Variants in PLTP observed in about 807,000 individuals in gnomAD.
The protein encoded by PLTP is BPI fold containing family E.
PLTP carries 43 observed loss-of-function variants against 54.1 expected under a neutral mutation model. The ratio of observed to expected loss-of-function variants is 0.79; its 90% CI spans 0.62 to 1.02. The LOEUF (loss-of-function observed/expected upper bound fraction) is 1.02. Ranked by LOEUF, PLTP falls within the 50% of genes least tolerant of loss-of-function variation. The pLI is 0.00. For synonymous variants in PLTP, 263 were observed against 264.6 expected (o/e 0.99, Z 0.06); for missense variants, 604 against 645.9 (o/e 0.94, Z 0.70).
At chr20:45,899,598 T>G in intron 14 of PLTP, 24 bp downstream of exon 14, 1 of 1,613,896 alleles carries the variant, frequency 6.2e-7, no homozygotes. Context: ...CCTTTCTTCC[T>G]CCATCCTCAC....
At position 45,899,703 on chromosome 20, in the gene PLTP, G is replaced by C; in HGVS notation, c.1219-18C>G. 1 of 1,614,120 alleles carries C rather than the reference G, an allele frequency of 6.2e-7. No individual in the cohort carries two copies. Among genetic ancestry groups the C allele is most frequent in the African/African-American group, 1.3e-5 (1 of 75,050 alleles). On this transcript the variant is annotated intron_variant, in intron 13 of 15. Transcript: ENST00000372431. ...GGGATCAGCTGGGAGGGGCGAGGGC[G>C]GAAACAGGGCAGTGAGTCAGGGTTG...
intron 10 of PLTP, 52 bp downstream of exon 10, chr20:45,904,748 T>C (rs2083222368): frequency 9.5e-6 from 15 of 1,581,120 alleles, no homozygotes; most frequent in Non-Finnish European, 1.1e-5. Flanking sequence ...GCACCCCTCC[T>C]TGGTCTCACT....
In PLTP at chr20:45,905,092, C is replaced by A; in HGVS notation, c.732G>T (p.Arg244Ser). Residue 244 changes from arginine to serine, a missense_variant, in exon 9 of 16, where the codon AGG becomes AGT. Coordinates refer to ENST00000372431, the MANE Select transcript of PLTP (RefSeq NM_006227.4). ...CTGCCCGGTTGGGGAGGCTCCAGTT[C>A]CTCTCAGTCAGGGGGAAGAAGGCCC... ...FRGAFFPLTE[R>S]NWSLPNRAVE... 1 of 1,614,182 alleles carries A rather than the reference C, an allele frequency of 6.2e-7. No individual in the cohort carries two copies. The highest frequency in any genetic ancestry group is 1.1e-5 in the South Asian group (1 of 91,084).
chr20:45,903,886 A>T (rs958835070), intron 10 of PLTP, among the ~76,000 whole-genome samples: 7 of 151,972 alleles, frequency 4.6e-5, no homozygotes, highest in Admixed American at 3.3e-4. Flanking sequence ...TTCAATAGAG[A>T]CAGTGTCTCA....
chr20:45,902,214 A>G, intron 12 of PLTP, 53 bp downstream of exon 12: 1 of 1,568,974 alleles, frequency 6.4e-7, no homozygotes, highest in Non-Finnish European at 8.8e-7. Flanking sequence ...ATCCCTGTGG[A>G]CAGGTGTGAT....
intron 11 of PLTP, 32 bp from the exon 12 acceptor site, chr20:45,902,366 A>C: frequency 6.2e-7 from 1 of 1,614,016 alleles, no homozygotes; most frequent in Non-Finnish European, 8.5e-7. Flanking sequence ...GATGTTACTG[A>C]CCCAGAAGGT....
intron 12 of PLTP, among the ~76,000 whole-genome samples, chr20:45,900,512 A>G (rs2083174607): frequency 6.6e-6 from 1 of 151,858 alleles, no homozygotes; most frequent in Non-Finnish European, 1.5e-5. Flanking sequence ...GACACTAAGC[A>G]TATTTATTTT....
At chr20:45,904,716 G>T in intron 10 of PLTP, 84 bp downstream of exon 10, 2 of 1,265,604 alleles carry the variant, frequency 1.6e-6, no homozygotes, top group Non-Finnish European at 2.3e-6. Context: ...TGTCTGCGTG[G>T]CTGCCACTGG....
At position 45,899,015 on chromosome 20, in the gene PLTP, C is replaced by G. The variant is rs780456513; in HGVS notation, c.1408G>C (p.Glu470Gln). Residue 470 changes from glutamate (E) to glutamine (Q), a missense_variant, in exon 16 of 16, where the codon GAG becomes CAG. Physicochemically the swap from Glu to Gln is conservative, Grantham distance 29 (BLOSUM62 2). Coordinates refer to ENST00000372431, the MANE Select transcript of PLTP (RefSeq NM_006227.4). ...GCAGGCCGGTTCTTCTCAATCACCT[C>G]TCGCAGCCCTTTGGCAAAGTGGAGA... ...ADLHFAKGLR[E>Q]VIEKNRPADV... The G allele has an allele frequency of 3.1e-6, 5 of 1,614,166 alleles. No homozygotes were observed. The highest frequency in any genetic ancestry group is 4.2e-6 in the Non-Finnish European group (5 of 1,180,026).
chr20:45,910,092 G>T, intron 3 of PLTP, 22 bp from the exon 4 acceptor site: 8 of 1,613,186 alleles, frequency 5.0e-6, no homozygotes, highest in Non-Finnish European at 6.8e-6. Context: ...CTCAGGGTCA[G>T]ATCCAGGGCC....
chr20:45,909,745 C>T, intron 4 of PLTP, 74 bp from the exon 5 acceptor site: 2 of 1,548,290 alleles, frequency 1.3e-6, no homozygotes, highest in Non-Finnish European at 1.8e-6. Context: ...ATCACCATAC[C>T]TCTTAATAAG....
intron 12 of PLTP, 151 bp downstream of exon 12, chr20:45,902,116 G>A (rs1455109934): frequency 1.2e-6 from 1 of 828,444 alleles, no homozygotes. Context: ...AGAGGAGTCA[G>A]ACTTTACCAA....
At position 45,900,306 on chromosome 20, in the gene PLTP, G is replaced by C. The variant is rs922809375; in HGVS notation, c.1176-428C>G. ...TTTTTAGTAGAGACGGGGTTTCACC[G>C]TGTTAGCCAGGATGGTCTCGGATTT... On this transcript the variant is annotated intron_variant, in intron 12 of 15. Transcript: ENST00000372431. Among the ~76,000 whole-genome samples the C allele has an allele frequency of 5.3e-5, 8 of 151,512 alleles. No individual in the cohort carries two copies. In the East Asian group the frequency reaches 5.9e-4, roughly 11 times the overall value.
chr20:45,902,399 C>G (rs768445315), intron 11 of PLTP, 41 bp downstream of exon 11: 2 of 1,614,094 alleles, frequency 1.2e-6, no homozygotes, highest in Non-Finnish European at 1.7e-6. Context: ...GCCCATTTTT[C>G]CCTGACCCCC....
rs779793871 is a variant in PLTP, at chr20:45,907,759, C to T, written c.550-4G>A. 6 of 1,613,270 alleles carry T rather than the reference C, an allele frequency of 3.7e-6. No individual in the cohort carries two copies. The African/African-American group carries it at 4.0e-5, about 11-fold the overall frequency. ...CGTGGTAGAGGACAGGGCAGATCTGCGAGGTGGGAGCCAGAGTCAGGGCCT... is the reference window on the plus strand; with the variant it reads ...CGTGGTAGAGGACAGGGCAGATCTGTGAGGTGGGAGCCAGAGTCAGGGCCT... On this transcript the variant is annotated splice_region_variant and splice_polypyrimidine_tract_variant and intron_variant, in intron 6 of 15. Coordinates refer to ENST00000372431, the MANE Select transcript of PLTP (RefSeq NM_006227.4).
At chr20:45,906,019 A>G (rs2083235479) in intron 8 of PLTP, among the ~76,000 whole-genome samples, 1 of 152,188 alleles carries the variant, frequency 6.6e-6, no homozygotes, top group Admixed American at 6.6e-5. Flanking sequence ...CCAGGGTCCA[A>G]TTTGGGAAAG....
chr20:45,903,842 A>AC (rs1203271571), intron 10 of PLTP, among the ~76,000 whole-genome samples: 4 of 151,266 alleles, frequency 2.6e-5, no homozygotes, highest in South Asian at 2.1e-4. Flanking sequence ...TTGTCCCCCC[A>AC]CCGAAAAAAA....
intron 5 of PLTP, among the ~76,000 whole-genome samples, chr20:45,908,962 ATTTTTTT>A (rs772186266): frequency 1.7e-5 from 2 of 117,984 alleles, no homozygotes; most frequent in Non-Finnish European, 3.4e-5. Flanking sequence ...GCTGTTCTAA[ATTTTTTT>A]TTTTTTTTTT....
At chr20:45,906,486 T>C (rs1377645075) in intron 7 of PLTP, 127 bp from the exon 8 acceptor site, 6 of 759,830 alleles carry the variant, frequency 7.9e-6, no homozygotes. Flanking sequence ...GAGGGTCAAA[T>C]TAGTTTTATG....
Sources: gnomAD v4.1 joint callset for allele counts (sites outside exome capture counted in the v4.1 genomes callset) on GRCh38, gnomAD v4.1.1 for gene constraint, MANE v1.5 for transcripts, NCBI Gene and HGNC (gene_info 2026-07-23, HGNC 2026-07-21) for gene names.